BAIAP2L1: variants seen among roughly 807,000 people sequenced by gnomAD.
The protein encoded by BAIAP2L1 is BAR/IMD domain-containing adapter protein 2-like 1.
Under a neutral mutation model 66.3 loss-of-function variants are expected in BAIAP2L1, and 35 were observed. That is an observed-to-expected ratio of 0.53 (90% CI 0.40 to 0.70). The LOEUF is 0.70. BAIAP2L1 is among the 30% of genes least tolerant of loss of function. The pLI is 0.00. For missense variants in BAIAP2L1, 622 were observed against 656.9 expected, an observed-to-expected ratio of 0.95 and a Z score of 0.58; for synonymous variants, 269 against 248.7, an observed-to-expected ratio of 1.08 and a Z score of -0.77.
intron 2 of BAIAP2L1, among the ~76,000 whole-genome samples, chr7:98,358,151 T>C (rs1034116441): frequency 6.6e-6 from 1 of 152,218 alleles, no homozygotes; most frequent in Non-Finnish European, 1.5e-5. Context: ...CAATTTTTCA[T>C]TAATTGTTGA....
chr7:98,375,758 A>AAAAAG (rs1562789705), intron 1 of BAIAP2L1, among the ~76,000 whole-genome samples: 4 of 151,258 alleles, frequency 2.6e-5, no homozygotes, highest in Non-Finnish European at 5.9e-5. Flanking sequence ...AAAAAAAAAA[A>AAAAAG]AAAAGAAAAG....
At chr7:98,350,112 G>A (rs1414528091) in intron 3 of BAIAP2L1, among the ~76,000 whole-genome samples, 1 of 149,684 alleles carries the variant, frequency 6.7e-6, no homozygotes, top group South Asian at 2.1e-4. Flanking sequence ...CCTCAAAAAG[G>A]GGGGAAAAAA....
At chr7:98,313,712 G>A (rs537216180) in intron 7 of BAIAP2L1, among the ~76,000 whole-genome samples, 1 of 152,092 alleles carries the variant, frequency 6.6e-6, no homozygotes, top group South Asian at 2.1e-4. Context: ...TCGAACTCCT[G>A]GGCTCAAACA....
At chr7:98,351,938 T>C (rs1802009733) in intron 3 of BAIAP2L1, among the ~76,000 whole-genome samples, 1 of 152,212 alleles carries the variant, frequency 6.6e-6, no homozygotes, top group African/African-American at 2.4e-5. Context: ...ATGATTTTCA[T>C]GTATGTGATA....
intron 1 of BAIAP2L1, 92 bp downstream of exon 1, chr7:98,400,710 G>T: frequency 7.1e-7 from 1 of 1,410,068 alleles, no homozygotes; most frequent in Non-Finnish European, 9.8e-7. Flanking sequence ...AGGGGAGCTG[G>T]AGGGAGGGAA....
At chr7:98,359,141 C>T (rs1802207409) in intron 2 of BAIAP2L1, among the ~76,000 whole-genome samples, 1 of 152,236 alleles carries the variant, frequency 6.6e-6, no homozygotes, top group South Asian at 2.1e-4. Flanking sequence ...GTCTGGAGAA[C>T]TGCCCTGCCT....
At chr7:98,364,605 T>C (rs1802349056) in intron 1 of BAIAP2L1, among the ~76,000 whole-genome samples, 1 of 151,898 alleles carries the variant, frequency 6.6e-6, no homozygotes, top group Non-Finnish European at 1.5e-5. Context: ...AGTCCCCGTG[T>C]GTCTGAAATT....
At position 98,292,169 on chromosome 7, in the gene BAIAP2L1, C is replaced by A; in HGVS notation, c.*1352G>T. 6.4e-6 allele frequency: 1 copy of A among 157,238 alleles called. No homozygotes were observed. Among genetic ancestry groups the A allele is most frequent in the Non-Finnish European group, 1.4e-5 (1 of 71,112 alleles). 9.7% of individuals were successfully genotyped at this position (157,238 alleles called of 1,614,324 possible). A position where few individuals can be genotyped will look rare whatever the true frequency, so the allele number is the denominator to read the frequency against. On this transcript the variant is annotated 3_prime_UTR_variant, in exon 14 of 14. Transcript: ENST00000005260. The stretch of plus-strand genomic sequence containing the variant: ...TGGCTTACCTGCATGTAACCTTTCC[C>A]AATCTCAGCCTCATAGGATACTACA...
rs1445868697 is a variant in BAIAP2L1, at chr7:98,292,578, C to G, written c.*943G>C. On this transcript the variant is annotated 3_prime_UTR_variant, in exon 14 of 14. Transcript: ENST00000005260. ...CCAGTGCGTAGTCCTCACATCCATA[C>G]CATAGGGCCAGGTTCCGAGGGCATC... 16 of 1,496,040 alleles carry G rather than the reference C, an allele frequency of 1.1e-5. No individual in the cohort carries two copies. The highest frequency in any genetic ancestry group is 2.0e-5 in the Admixed American group (1 of 50,894). 92.7% of individuals were successfully genotyped at this position (1,496,040 alleles called of 1,614,324 possible). A position where few individuals can be genotyped will look rare whatever the true frequency, so the allele number is the denominator to read the frequency against.
intron 1 of BAIAP2L1, among the ~76,000 whole-genome samples, chr7:98,363,031 T>C (rs1243502947): frequency 3.8e-5 from 5 of 131,098 alleles, no homozygotes; most frequent in Non-Finnish European, 4.7e-5. Context: ...TTTTTTCTTT[T>C]TTTTTTTTTT....
intron 12 of BAIAP2L1, among the ~76,000 whole-genome samples, chr7:98,296,681 T>C (rs1004483350): frequency 6.6e-6 from 1 of 152,150 alleles, no homozygotes; most frequent in Admixed American, 6.5e-5. Context: ...AAAAACATAT[T>C]GGACGTGTTC....
chr7:98,356,513 T>C (rs1381734440), intron 2 of BAIAP2L1, among the ~76,000 whole-genome samples: 1 of 151,862 alleles, frequency 6.6e-6, no homozygotes, highest in African/African-American at 2.4e-5. Context: ...TTTATTTTTT[T>C]AGAGGCAGAG....
At chr7:98,383,289 T>A (rs1802802805) in intron 1 of BAIAP2L1, among the ~76,000 whole-genome samples, 1 of 151,660 alleles carries the variant, frequency 6.6e-6, no homozygotes, top group South Asian at 2.1e-4. Flanking sequence ...CAATCTTTTT[T>A]TTTTTTTTTT....
chr7:98,348,194 G>A (rs1801919053), intron 3 of BAIAP2L1, among the ~76,000 whole-genome samples: 1 of 152,082 alleles, frequency 6.6e-6, no homozygotes, highest in South Asian at 2.1e-4. Flanking sequence ...ATGAAAGAGA[G>A]TAAAGGAGAG....
At position 98,335,826 on chromosome 7, in the gene BAIAP2L1, G is replaced by A. The variant is rs1292808274; in HGVS notation, c.215-15528C>T. 6.6e-5 allele frequency among the ~76,000 whole-genome samples: 10 copies of A among 152,064 alleles called. No individual in the cohort carries two copies. The East Asian group carries it at 1.6e-3, about 24-fold the overall frequency. ...AGTCCCATTCTTGAGACACTGCAGC[G>A]GCACAGCCGTTCACAGTTCCTGTCC... On this transcript the variant is annotated intron_variant, in intron 3 of 13. Coordinates refer to ENST00000005260, the MANE Select transcript of BAIAP2L1 (RefSeq NM_018842.5).
intron 1 of BAIAP2L1, 91 bp from the exon 2 acceptor site, chr7:98,362,523 T>C: frequency 4.9e-6 from 5 of 1,020,476 alleles, no homozygotes; most frequent in Non-Finnish European, 3.0e-6. Context: ...AGGATAGCTA[T>C]GGATGCCTAA....
intron 1 of BAIAP2L1, among the ~76,000 whole-genome samples, chr7:98,388,263 T>C (rs1349573973): frequency 6.6e-6 from 1 of 152,222 alleles, no homozygotes; most frequent in Non-Finnish European, 1.5e-5. Flanking sequence ...AATAGGGCAT[T>C]ATCAAGTACA....
chr7:98,377,818 T>TC (rs1802668296), intron 1 of BAIAP2L1, among the ~76,000 whole-genome samples: 1 of 14,830 alleles, frequency 6.7e-5, no homozygotes, highest in African/African-American at 2.9e-4. Context: ...AGACTCAATC[T>TC]CAAAAAAAAA....
chr7:98,367,704 T>A (rs956789394), intron 1 of BAIAP2L1, among the ~76,000 whole-genome samples: 2 of 151,724 alleles, frequency 1.3e-5, no homozygotes, highest in Non-Finnish European at 2.9e-5. Context: ...CCCGGCTAAT[T>A]TTTTGTATTT....
Sources: allele counts gnomAD v4.1 joint callset (sites outside exome capture counted in the v4.1 genomes callset), GRCh38; gene constraint gnomAD v4.1.1; transcripts MANE v1.5; gene names NCBI Gene and HGNC (gene_info 2026-07-23, HGNC 2026-07-21).